The following TENM3 variants were observed in gnomAD, a reference collection of about 807,000 sequenced individuals.
The protein encoded by TENM3 is teneurin-3.
TENM3 carries 63 observed loss-of-function variants against 255.1 expected under a neutral mutation model. The ratio of observed to expected loss-of-function variants is 0.25; its 90% CI spans 0.20 to 0.30. The LOEUF (loss-of-function observed/expected upper bound fraction) is 0.30, where lower values mean the gene tolerates loss of function less well. TENM3 is among the 10% of genes least tolerant of loss of function. The pLI is 1.00. For missense variants in TENM3, 2,929 were observed against 3,461.1 expected (o/e 0.85, Z 3.86); for synonymous variants, 1,306 against 1,322.3 (o/e 0.99, Z 0.27).
At chr4:181,751,026 C>G in the TENM3 span, among the ~76,000 whole-genome samples, 3 of 152,184 alleles carry the variant, frequency 2.0e-5, no homozygotes, top group Non-Finnish European at 2.9e-5. Context: ...GAAAATATTC[C>G]TTTCACCAGC....
intron 4 of TENM3, among the ~76,000 whole-genome samples, chr4:182,610,059 A>G (rs922247090): frequency 6.6e-6 from 1 of 151,518 alleles, no homozygotes; most frequent in African/African-American, 2.5e-5. Flanking sequence ...TTTTGACAGT[A>G]AGAATAATCA....
intron 22 of TENM3, among the ~76,000 whole-genome samples, chr4:182,759,499 A>G (rs1048162153): frequency 7.2e-5 from 11 of 152,354 alleles, no homozygotes; most frequent in Admixed American, 2.6e-4. Flanking sequence ...ACTGATTTTT[A>G]AAAATATTTA....
chr4:181,551,744 C>A, the TENM3 span, among the ~76,000 whole-genome samples: 1 of 150,792 alleles, frequency 6.6e-6, no homozygotes, highest in Non-Finnish European at 1.5e-5. Context: ...TCTAAACTTT[C>A]TTTGAACCAG....
At chr4:181,744,597 C>A in the TENM3 span, among the ~76,000 whole-genome samples, 1 of 152,086 alleles carries the variant, frequency 6.6e-6, no homozygotes, top group Non-Finnish European at 1.5e-5. Context: ...ACAGACTAAA[C>A]AAGAGAAAGG....
At chr4:181,485,893 T>C in the TENM3 span, among the ~76,000 whole-genome samples, 19 of 152,260 alleles carry the variant, frequency 1.2e-4, no homozygotes, top group African/African-American at 4.3e-4. Flanking sequence ...ACAAAAATGT[T>C]AAATGCAAAG....
intron 3 of TENM3, among the ~76,000 whole-genome samples, chr4:182,590,538 CAAAAAAAAAA>C (rs34681777): frequency 1.5e-4 from 12 of 79,962 alleles, no homozygotes; most frequent in African/African-American, 2.6e-4. Context: ...GACCCTGTCT[CAAAAAAAAAA>C]AAAAAAAAAA....
At chr4:181,877,785 C>T in the TENM3 span, among the ~76,000 whole-genome samples, 2 of 152,114 alleles carry the variant, frequency 1.3e-5, no homozygotes, top group African/African-American at 4.8e-5. Context: ...TAAGGAAGTA[C>T]CACATGCTGC....
the TENM3 span, among the ~76,000 whole-genome samples, chr4:181,780,385 C>A: frequency 6.6e-6 from 1 of 152,070 alleles, no homozygotes; most frequent in Non-Finnish European, 1.5e-5. Flanking sequence ...CTCTGATGGC[C>A]AGTGATGATG....
chr4:181,988,935 T>C, the TENM3 span, among the ~76,000 whole-genome samples: 10 of 152,022 alleles, frequency 6.6e-5, no homozygotes, highest in African/African-American at 2.2e-4. Flanking sequence ...TTTGAGGGTG[T>C]TCCTTGTCCA....
chr4:181,645,072 C>T, the TENM3 span, among the ~76,000 whole-genome samples: 77 of 152,140 alleles, frequency 5.1e-4, no homozygotes, highest in East Asian at 0.011. Context: ...AAGTGTTTTC[C>T]AAAAATTGGT....
intron 3 of TENM3, among the ~76,000 whole-genome samples, chr4:182,568,606 ATAAAGT>A (rs1360850426): frequency 2.6e-5 from 4 of 152,222 alleles, no homozygotes; most frequent in Non-Finnish European, 5.9e-5. Flanking sequence ...GCAGTTGTCT[ATAAAGT>A]TAAACACTTA....
intron 5 of TENM3, among the ~76,000 whole-genome samples, chr4:182,647,837 A>G (rs1245147168): frequency 6.6e-6 from 1 of 152,196 alleles, no homozygotes; most frequent in African/African-American, 2.4e-5. Flanking sequence ...AAATGTTGCA[A>G]TCCTAGCCAA....
At chr4:182,160,259 CCCAAAGTGCTGGGATTACAGGCGTGAG>C (rs1486165998) in intron 1 of TENM3, among the ~76,000 whole-genome samples, 1 of 152,064 alleles carries the variant, frequency 6.6e-6, no homozygotes, top group Non-Finnish European at 1.5e-5. Flanking sequence ...GCCTCGGCCT[CCCAAAGTGCTGGGATTACAGGCGTGAG>C]CCACCGCGCC....
At chr4:182,030,614 G>A in the TENM3 span, among the ~76,000 whole-genome samples, 1 of 152,068 alleles carries the variant, frequency 6.6e-6, no homozygotes, top group Non-Finnish European at 1.5e-5. Context: ...GGAATTGCTG[G>A]GTCAAGTGGT....
At chr4:182,722,236 G>C (rs1018141233) in intron 13 of TENM3, among the ~76,000 whole-genome samples, 1 of 151,924 alleles carries the variant, frequency 6.6e-6, no homozygotes, top group Non-Finnish European at 1.5e-5. Context: ...AGTACCTATT[G>C]GAGTAAAAAA....
the TENM3 span, among the ~76,000 whole-genome samples, chr4:182,117,714 T>C: frequency 6.6e-6 from 1 of 152,220 alleles, no homozygotes; most frequent in Admixed American, 6.5e-5. Context: ...CTAGTAAGTC[T>C]TGAAGTTGAA....
intron 1 of TENM3, among the ~76,000 whole-genome samples, chr4:182,313,138 T>G (rs1043424369): frequency 6.6e-6 from 1 of 152,106 alleles, no homozygotes; most frequent in African/African-American, 2.4e-5. Context: ...CAGTTTTTGT[T>G]TCCTTCTACA....
chr4:181,638,656 G>A, the TENM3 span, among the ~76,000 whole-genome samples: 1 of 152,108 alleles, frequency 6.6e-6, no homozygotes, highest in African/African-American at 2.4e-5. Flanking sequence ...TTTCTCTGTA[G>A]TAAAAATGGA....
chr4:182,329,583 A>G (rs1334873750), intron 2 of TENM3, among the ~76,000 whole-genome samples: 2 of 152,220 alleles, frequency 1.3e-5, no homozygotes, highest in African/African-American at 4.8e-5. Context: ...GAAATAGACT[A>G]AGAAGCTTGT....
Sources: gnomAD v4.1 joint callset for allele counts (sites outside exome capture counted in the v4.1 genomes callset) on GRCh38, gnomAD v4.1.1 for gene constraint, MANE v1.5 for transcripts, NCBI Gene and HGNC (gene_info 2026-07-23, HGNC 2026-07-21) for gene names.